AUTS2: variants seen among roughly 807,000 people sequenced by gnomAD.
AUTS2 encodes the protein activator of transcription and developmental regulator AUTS2.
AUTS2 carries 17 observed loss-of-function variants against 112.4 expected under a neutral mutation model. That is an observed-to-expected ratio of 0.15 (90% CI 0.10 to 0.23). The LOEUF (loss-of-function observed/expected upper bound fraction) is 0.23, where lower values mean the gene tolerates loss of function less well. AUTS2 is among the 10% of genes least tolerant of loss of function. The pLI, the probability that AUTS2 is intolerant of heterozygous loss-of-function variation, is 1.00. For missense variants in AUTS2, 1,510 were observed against 1,701.6 expected (o/e 0.89, Z 1.98); for synonymous variants, 751 against 702.7 (o/e 1.07, Z -1.09).
chr7:69,884,918 T>C (rs1272572842), intron 1 of AUTS2, among the ~76,000 whole-genome samples: 1 of 152,230 alleles, frequency 6.6e-6, no homozygotes, highest in African/African-American at 2.4e-5. Flanking sequence ...TGGGTATATC[T>C]TAAGCACTTT....
chr7:69,730,133 C>T (rs1376299704), intron 1 of AUTS2, among the ~76,000 whole-genome samples: 2 of 150,924 alleles, frequency 1.3e-5, no homozygotes, highest in Admixed American at 1.3e-4. Flanking sequence ...TGTGCCACTG[C>T]ACTTGGCAAT....
chr7:70,589,963 T>G (rs191555010), intron 5 of AUTS2, among the ~76,000 whole-genome samples: 150 of 152,208 alleles, frequency 9.9e-4, no homozygotes, highest in African/African-American at 3.4e-3. Flanking sequence ...GAAACCTTTC[T>G]TCCCCTCCCC....
At chr7:70,040,654 C>T (rs1001625876) in intron 2 of AUTS2, among the ~76,000 whole-genome samples, 2 of 152,158 alleles carry the variant, frequency 1.3e-5, no homozygotes, top group Non-Finnish European at 2.9e-5. Flanking sequence ...CACCCAGGAA[C>T]CTCTCTGGCT....
intron 2 of AUTS2, among the ~76,000 whole-genome samples, chr7:69,932,595 T>C (rs1380402265): frequency 6.6e-6 from 1 of 152,236 alleles, no homozygotes; most frequent in East Asian, 1.9e-4. Flanking sequence ...GGCCATTTTA[T>C]TGGATTATAC....
intron 2 of AUTS2, among the ~76,000 whole-genome samples, chr7:70,081,411 A>G (rs1803304562): frequency 7.1e-6 from 1 of 139,864 alleles, no homozygotes; most frequent in African/African-American, 2.7e-5. Context: ...AAAAAAAAAA[A>G]TCAGCTGGAT....
At chr7:70,233,287 G>A (rs768256508) in intron 4 of AUTS2, among the ~76,000 whole-genome samples, 6 of 151,908 alleles carry the variant, frequency 3.9e-5, no homozygotes, top group Admixed American at 6.6e-5. Context: ...CATACACCTC[G>A]CAGGCTCTCT....
At chr7:69,618,844 G>GT (rs1420277178) in intron 1 of AUTS2, among the ~76,000 whole-genome samples, 1 of 152,104 alleles carries the variant, frequency 6.6e-6, no homozygotes, top group Non-Finnish European at 1.5e-5. Flanking sequence ...ACAGTCAACC[G>GT]TAAGTTTTAG....
chr7:70,683,126 C>T (rs2129545403), intron 5 of AUTS2, among the ~76,000 whole-genome samples: 1 of 152,356 alleles, frequency 6.6e-6, no homozygotes, highest in South Asian at 2.1e-4. Context: ...TGGAGATGAG[C>T]AACCACAATG....
intron 4 of AUTS2, among the ~76,000 whole-genome samples, chr7:70,178,572 GGTGGAT>G (rs1809121593): frequency 1.3e-5 from 2 of 152,090 alleles, no homozygotes; most frequent in South Asian, 4.1e-4. Flanking sequence ...GGCTGAGGCG[GGTGGAT>G]CCCATGAGGT....
intron 4 of AUTS2, among the ~76,000 whole-genome samples, chr7:70,347,550 A>T (rs968259429): frequency 6.6e-6 from 1 of 152,118 alleles, no homozygotes; most frequent in Non-Finnish European, 1.5e-5. Flanking sequence ...GGATAAAATA[A>T]TACAGACAGG....
At chr7:69,628,595 G>T (rs1195491597) in intron 1 of AUTS2, among the ~76,000 whole-genome samples, 2 of 152,164 alleles carry the variant, frequency 1.3e-5, no homozygotes, top group African/African-American at 4.8e-5. Context: ...AGGAAGCATG[G>T]CTGGGGAGGC....
intron 1 of AUTS2, among the ~76,000 whole-genome samples, chr7:69,741,355 C>G (rs955902005): frequency 6.6e-6 from 1 of 152,156 alleles, no homozygotes; most frequent in Non-Finnish European, 1.5e-5. Flanking sequence ...TAAAGATTCA[C>G]ATACTATTGT....
At chr7:69,742,356 A>G (rs1479264618) in intron 1 of AUTS2, among the ~76,000 whole-genome samples, 2 of 151,944 alleles carry the variant, frequency 1.3e-5, no homozygotes, top group Non-Finnish European at 2.9e-5. Context: ...TTCTAGGGGG[A>G]AAGATTTTCT....
At chr7:70,219,573 CTTT>C (rs1342047199) in intron 4 of AUTS2, among the ~76,000 whole-genome samples, 6 of 137,848 alleles carry the variant, frequency 4.4e-5, no homozygotes, top group African/African-American at 5.3e-5. Context: ...TTTTCTTTTC[CTTT>C]TTTTTTTTTT....
At chr7:70,387,696 G>A (rs1793675282) in intron 4 of AUTS2, among the ~76,000 whole-genome samples, 1 of 152,118 alleles carries the variant, frequency 6.6e-6, no homozygotes, top group African/African-American at 2.4e-5. Context: ...CTCCTTGGTT[G>A]CCAAGATGAC....
At chr7:69,739,948 G>C (rs1190846679) in intron 1 of AUTS2, among the ~76,000 whole-genome samples, 6 of 152,206 alleles carry the variant, frequency 3.9e-5, no homozygotes, top group African/African-American at 1.4e-4. Context: ...GTCACAACCA[G>C]CTAATGAAGG....
intron 5 of AUTS2, among the ~76,000 whole-genome samples, chr7:70,650,209 C>A (rs138542986): frequency 4.9e-4 from 74 of 152,324 alleles, no homozygotes; most frequent in African/African-American, 1.6e-3. Context: ...CTAGAGACCC[C>A]ATAGCAAACT....
At chr7:70,491,156 C>A (rs1234797659) in intron 5 of AUTS2, among the ~76,000 whole-genome samples, 1 of 152,162 alleles carries the variant, frequency 6.6e-6, no homozygotes, top group South Asian at 2.1e-4. Flanking sequence ...GGAGTGCCTG[C>A]CGTGTCTTTG....
At chr7:69,727,164 C>G (rs912888671) in intron 1 of AUTS2, among the ~76,000 whole-genome samples, 5 of 152,126 alleles carry the variant, frequency 3.3e-5, no homozygotes, top group African/African-American at 1.2e-4. Flanking sequence ...TATGTTCCAT[C>G]ACAAATTTTT....
Sources: allele counts gnomAD v4.1 joint callset (sites outside exome capture counted in the v4.1 genomes callset), GRCh38; gene constraint gnomAD v4.1.1; transcripts MANE v1.5; gene names NCBI Gene and HGNC (gene_info 2026-07-23, HGNC 2026-07-21).